MSL1: variants seen among roughly 807,000 people sequenced by gnomAD.
The protein encoded by MSL1 is male-specific lethal 1 homolog.
Under a neutral mutation model 64.6 loss-of-function variants are expected in MSL1, and 21 were observed. That is an observed-to-expected ratio of 0.33 (90% CI 0.23 to 0.47). The LOEUF (loss-of-function observed/expected upper bound fraction) is 0.47, where lower values mean the gene tolerates loss of function less well. MSL1 is among the 20% of genes least tolerant of loss of function. MSL1 has a pLI of 1.00. For synonymous variants in MSL1, 339 were observed against 329.6 expected (o/e 1.03, Z -0.31); for missense variants, 664 against 793.2 (o/e 0.84, Z 1.96).
chr17:40,129,905 T>C, intron 3 of MSL1: 1 of 370,584 alleles, frequency 2.7e-6, no homozygotes, highest in Non-Finnish European at 4.9e-6. Flanking sequence ...GGGTGTAATC[T>C]CCGGCAACTT....
chr17:40,128,939 G>A (rs982415140), intron 2 of MSL1, among the ~76,000 whole-genome samples: 2 of 151,834 alleles, frequency 1.3e-5, no homozygotes, highest in Non-Finnish European at 2.9e-5. Flanking sequence ...GCTTGAACCC[G>A]GGAGGCAGAG....
intron 6 of MSL1, 87 bp downstream of exon 6, chr17:40,133,196 C>A: frequency 1.6e-6 from 2 of 1,245,388 alleles, no homozygotes; most frequent in Non-Finnish European, 2.3e-6. Flanking sequence ...CTTTTTCATG[C>A]TGTGGAGAAT....
At chr17:40,133,723 T>G in intron 7 of MSL1, 65 bp downstream of exon 7, 1 of 1,611,550 alleles carries the variant, frequency 6.2e-7, no homozygotes, top group Non-Finnish European at 8.5e-7. Context: ...GGCTCCAGGG[T>G]ACAACTTGCT....
chr17:40,131,935 T>TG lies in MSL1; in HGVS notation c.1424-95dup. The TG allele has an allele frequency of 1.2e-6, 1 of 853,756 alleles. No homozygotes were observed. The highest frequency in any genetic ancestry group is 1.9e-6 in the Non-Finnish European group (1 of 533,528). The allele number at this position is 853,756 out of a possible 1,614,324, so 52.9% of individuals were successfully genotyped here. A position where few individuals can be genotyped will look rare whatever the true frequency, so the allele number is the denominator to read the frequency against. ...TATCACTTGGTAACTTTGTCTCTTC[T>TG]GGGGAGAGACCTCTTATCCTAGTGA... On this transcript the variant is annotated intron_variant, in intron 4 of 8. Coordinates refer to ENST00000398532, the MANE Select transcript of MSL1 (RefSeq NM_001365919.1). This position sits in a 1 kb window ranked among gnomAD's most constrained non-coding sequence, Gnocchi z 4.5.
At chr17:40,125,078 T>TA (rs1988283251) in intron 1 of MSL1, among the ~76,000 whole-genome samples, 1 of 152,230 alleles carries the variant, frequency 6.6e-6, no homozygotes, top group Non-Finnish European at 1.5e-5. Context: ...CTAACCCAGA[T>TA]AAAATTCTTG....
chr17:40,134,374 G>A lies in MSL1; in HGVS notation c.*5G>A. On this transcript the variant is annotated 3_prime_UTR_variant, in exon 9 of 9. Transcript: ENST00000398532. ...CACCGGACGTGTAGGAAATAGCTGT[G>A]CTGGCAAGAACCCTGTCTTCAGATA... is the stretch of plus-strand genomic sequence containing the variant. 1 of 1,552,898 alleles carries A rather than the reference G, an allele frequency of 6.4e-7. No homozygotes were observed. The highest frequency in any genetic ancestry group is 1.2e-5 in the South Asian group (1 of 84,110).
Position 40,122,726 on chromosome 17 carries a change from T to A in MSL1, c.114T>A (p.Pro38=). ...AAALGGPEDE[P]GAAEAHFLPR... ...CGCTGGGCGGGCCCGAGGACGAGCC[T>A]GGGGCGGCCGAAGCCCACTTCCTCC... The change falls in exon 1 of 9, where the codon CCT becomes CCA. Residue 38 remains proline, a synonymous_variant. Transcript: ENST00000398532. The surrounding 1 kb of genome is among the most constrained non-coding windows in gnomAD (Gnocchi z 4.2). The A allele has an allele frequency of 1.4e-6, 2 of 1,461,342 alleles. No individual in the cohort carries two copies. The highest frequency in any genetic ancestry group is 2.9e-5 in the East Asian group (1 of 34,210). The allele number at this position is 1,461,342 out of a possible 1,614,324, so 90.5% of individuals were successfully genotyped here.
rs1403026628 is a variant in MSL1, at chr17:40,122,948, C to T, written c.336C>T (p.Ala112=). ...LPCPPPATKQ[A]GIGGEPAAAG... ...GTCCGCCCCCGGCCACCAAGCAAGC[C>T]GGCATTGGGGGGGAGCCTGCCGCAG... is the stretch of plus-strand genomic sequence containing the variant. The change falls in exon 1 of 9, where the codon GCC becomes GCT. Residue 112 remains alanine, a synonymous_variant. Coordinates refer to ENST00000398532, the MANE Select transcript of MSL1 (RefSeq NM_001365919.1). This position sits in a 1 kb window ranked among gnomAD's most constrained non-coding sequence, Gnocchi z 4.2. The T allele has an allele frequency of 2.6e-6, 4 of 1,523,486 alleles. No homozygotes were observed. Among genetic ancestry groups the T allele is most frequent in the Non-Finnish European group, 3.5e-6 (4 of 1,142,364 alleles). The allele number at this position is 1,523,486 out of a possible 1,614,324, so 94.4% of individuals were successfully genotyped here. A position where few individuals can be genotyped will look rare whatever the true frequency, so the allele number is the denominator to read the frequency against.
rs1019072900 is a variant in MSL1, at chr17:40,128,222, CAGTA to C, written c.993-1020_993-1017del. ...AAAGAGGCTAGAGAATGCCAGCAGA[CAGTA>C]AGAAAAAGGAAATAAAGGTTACAAT... On this transcript the variant is annotated intron_variant, in intron 2 of 8. Transcript: ENST00000398532. Among the ~76,000 whole-genome samples the C allele has an allele frequency of 7.3e-5, 11 of 151,524 alleles. No individual in the cohort carries two copies. The South Asian group carries it at 2.1e-3, about 29-fold the overall frequency.
chr17:40,127,507 G>T (rs1243187627), intron 2 of MSL1, among the ~76,000 whole-genome samples: 1 of 152,128 alleles, frequency 6.6e-6, no homozygotes, highest in African/African-American at 2.4e-5. Context: ...TTGAGATAGG[G>T]TCTCTCTCTG....
At position 40,135,797 on chromosome 17, in the gene MSL1, A is replaced by G. The variant is rs1988528207; in HGVS notation, c.*1428A>G. The G allele has an allele frequency of 6.6e-6, 1 of 152,274 alleles. No individual in the cohort carries two copies. 9.4% of individuals were successfully genotyped at this position (152,274 alleles called of 1,614,324 possible). A position where few individuals can be genotyped will look rare whatever the true frequency, so the allele number is the denominator to read the frequency against. ...TTTAAAGGAATTATTCTGGCAGCAC[A>G]TGTAGTATTCTTGGATGATCTTGCT... On this transcript the variant is annotated 3_prime_UTR_variant, in exon 9 of 9. Transcript: ENST00000398532.
At position 40,122,533 on chromosome 17, in the gene MSL1, C is replaced by A. The variant is rs376643068; in HGVS notation, c.-80C>A. The A allele has an allele frequency of 4.2e-4, 389 of 932,922 alleles. No homozygotes were observed. Among genetic ancestry groups the A allele is most frequent in the Non-Finnish European group, 4.7e-4 (319 of 684,498 alleles). 57.8% of individuals were successfully genotyped at this position (932,922 alleles called of 1,614,324 possible). A position where few individuals can be genotyped will look rare whatever the true frequency, so the allele number is the denominator to read the frequency against. ...GAGCCCGCCAAACTCCCCTCCCCCC[C>A]CTCAGTCCTCGACCCCCCGCACCTC... On this transcript the variant is annotated 5_prime_UTR_variant, in exon 1 of 9. Transcript: ENST00000398532. The surrounding 1 kb of genome is among the most constrained non-coding windows in gnomAD (Gnocchi z 4.2).
intron 1 of MSL1, 93 bp downstream of exon 1, chr17:40,123,473 T>A: frequency 7.6e-7 from 1 of 1,313,408 alleles, no homozygotes; most frequent in Non-Finnish European, 1.0e-6. Flanking sequence ...CACCCCCGGG[T>A]TAGGGGTAAA....
At chr17:40,132,913 G>C in intron 5 of MSL1, 129 bp from the exon 6 acceptor site, 2 of 776,946 alleles carry the variant, frequency 2.6e-6, no homozygotes, top group South Asian at 3.3e-5. Context: ...ACTGTCCATG[G>C]AACCCACAGA....
rs1253730707 is a variant in MSL1 at position 40,134,812 on chromosome 17, T to G, written c.*443T>G. ...GGTATAGTGATTTTTAACCCTAAAA[T>G]AAAACAAACAACCTCACCATGAGCT... On this transcript the variant is annotated 3_prime_UTR_variant, in exon 9 of 9. Coordinates refer to ENST00000398532, the MANE Select transcript of MSL1 (RefSeq NM_001365919.1). 1 of 155,328 alleles carries G rather than the reference T, an allele frequency of 6.4e-6. No homozygotes were observed. Among genetic ancestry groups the G allele is most frequent in the African/African-American group, 2.4e-5 (1 of 41,450 alleles). 9.6% of individuals were successfully genotyped at this position (155,328 alleles called of 1,614,324 possible).
rs1488864004 is a variant in MSL1 at position 40,123,176 on chromosome 17, C to T, written c.564C>T (p.Thr188=). Residue 188 remains threonine, a synonymous_variant, in exon 1 of 9, where the codon ACC becomes ACT. Transcript: ENST00000398532. ...PGPPPLAPTA[T]AGTLAASEGR... Reference sequence around the variant, plus strand: ...CGCCACCCCTCGCGCCCACCGCCACCGCCGGGACCCTGGCGGCCAGCGAGG... The same window carrying T: ...CGCCACCCCTCGCGCCCACCGCCACTGCCGGGACCCTGGCGGCCAGCGAGG... 3.9e-6 allele frequency: 6 copies of T among 1,534,978 alleles called. No individual in the cohort carries two copies. Among genetic ancestry groups the T allele is most frequent in the Middle Eastern group, 1.7e-4 (1 of 5,936 alleles).
At chr17:40,123,794 C>T (rs1392611462) in intron 1 of MSL1, among the ~76,000 whole-genome samples, 2 of 152,198 alleles carry the variant, frequency 1.3e-5, no homozygotes, top group South Asian at 4.1e-4. Context: ...CTGTAGCAAG[C>T]AGCTGTTGCT....
chr17:40,129,152 G>T (rs1028315157), intron 2 of MSL1, 93 bp from the exon 3 acceptor site: 10 of 1,138,136 alleles, frequency 8.8e-6, no homozygotes, highest in Non-Finnish European at 1.2e-5. Context: ...TGGGGCAAAA[G>T]AACCAGCTTA....
At chr17:40,128,684 C>A (rs1382272523) in intron 2 of MSL1, among the ~76,000 whole-genome samples, 1 of 150,804 alleles carries the variant, frequency 6.6e-6, no homozygotes, top group East Asian at 2.0e-4. Context: ...GCCTGGTGGA[C>A]CTTGAATATT....
Sources: gnomAD v4.1 joint callset for allele counts (sites outside exome capture counted in the v4.1 genomes callset) on GRCh38, gnomAD v4.1.1 for gene constraint, Gnocchi (gnomAD v3.1) non-coding constraint, MANE v1.5 for transcripts, NCBI Gene and HGNC (gene_info 2026-07-23, HGNC 2026-07-21) for gene names.